Variants in CSMD1 observed in about 807,000 individuals in gnomAD.
CSMD1 encodes CUB and sushi domain-containing protein 1.
In CSMD1, 213 loss-of-function variants were observed where a neutral mutation model predicts 417.5. The ratio of observed to expected loss-of-function variants is 0.51; its 90% CI spans 0.46 to 0.57. The LOEUF (loss-of-function observed/expected upper bound fraction) is 0.57. CSMD1 is among the 20% of genes least tolerant of loss of function. The probability of loss-of-function intolerance (pLI) is 0.00; values close to 1 mark genes in which losing one functional copy is unlikely to be tolerated. For missense variants in CSMD1, 6,923 were observed against 4,529.7 expected (o/e 1.53, Z -15.17); for synonymous variants, 2,862 against 1,736.8 (o/e 1.65, Z -16.11).
At chr8:4,962,526 T>A (rs917780192) in intron 1 of CSMD1, among the ~76,000 whole-genome samples, 2 of 152,218 alleles carry the variant, frequency 1.3e-5, no homozygotes, top group Non-Finnish European at 2.9e-5. Flanking sequence ...TCTGTTTTTA[T>A]CTTATGAAGC....
At position 3,485,749 on chromosome 8, in the gene CSMD1, G is replaced by C. The variant is rs1300236935; in HGVS notation, c.1448+7874C>G. On this transcript the variant is annotated intron_variant, in intron 11 of 69. Transcript: ENST00000635120. ...CACTACAGCCTGGGTGACAGAGCGAGACTCAGCCTCAAAAAAATAAAATAA... is the reference window on the plus strand; with the variant it reads ...CACTACAGCCTGGGTGACAGAGCGACACTCAGCCTCAAAAAAATAAAATAA... Among the ~76,000 whole-genome samples, 5 of 141,854 alleles carry C rather than the reference G, an allele frequency of 3.5e-5. No homozygotes were observed. The South Asian group carries it at 6.5e-4, about 18-fold the overall frequency. The allele number at this position is 141,854 out of a possible 152,430, so 93.1% of individuals were successfully genotyped here.
At chr8:4,575,757 T>C (rs1006422155) in intron 2 of CSMD1, among the ~76,000 whole-genome samples, 2 of 152,214 alleles carry the variant, frequency 1.3e-5, no homozygotes, top group African/African-American at 4.8e-5. Flanking sequence ...TCTCTCATAC[T>C]CCACAAGTGC....
At chr8:4,480,270 T>C (rs951707542) in intron 2 of CSMD1, among the ~76,000 whole-genome samples, 3 of 152,030 alleles carry the variant, frequency 2.0e-5, no homozygotes, top group East Asian at 1.9e-4. Flanking sequence ...AGGGTAGCTC[T>C]GAGTTGACCC....
At chr8:4,946,077 A>T (rs1563836396) in intron 1 of CSMD1, among the ~76,000 whole-genome samples, 1 of 151,366 alleles carries the variant, frequency 6.6e-6, no homozygotes. Context: ...CTGGCAACGA[A>T]AGTCCACTTG....
chr8:2,987,071 TC>T (rs1007997015), intron 54 of CSMD1, among the ~76,000 whole-genome samples: 1 of 152,120 alleles, frequency 6.6e-6, no homozygotes, highest in African/African-American at 2.4e-5. Context: ...TACAACTAAT[TC>T]TTAATGGTCT....
chr8:4,617,632 T>C (rs975233212), intron 2 of CSMD1, among the ~76,000 whole-genome samples: 6 of 152,180 alleles, frequency 3.9e-5, no homozygotes, highest in Non-Finnish European at 8.8e-5. Context: ...GGAAATACTC[T>C]TCCCAGATCT....
intron 3 of CSMD1, among the ~76,000 whole-genome samples, chr8:4,233,924 G>A (rs1024649794): frequency 2.0e-5 from 3 of 150,520 alleles, no homozygotes; most frequent in African/African-American, 2.4e-5. Context: ...ACCCTAAAAT[G>A]CCTTAATGAG....
chr8:4,205,282 A>T (rs1198174467), intron 3 of CSMD1, among the ~76,000 whole-genome samples: 1 of 152,230 alleles, frequency 6.6e-6, no homozygotes, highest in Non-Finnish European at 1.5e-5. Context: ...TAGTTTTTAC[A>T]ATAGTTCCTT....
intron 1 of CSMD1, among the ~76,000 whole-genome samples, chr8:4,875,918 G>A (rs1168265068): frequency 6.6e-6 from 1 of 151,898 alleles, no homozygotes; most frequent in Non-Finnish European, 1.5e-5. Flanking sequence ...GTCTTTAATA[G>A]CAACAATTTA....
chr8:3,190,774 G>C (rs1344646949), intron 33 of CSMD1, among the ~76,000 whole-genome samples: 2 of 152,168 alleles, frequency 1.3e-5, no homozygotes, highest in African/African-American at 2.4e-5. Flanking sequence ...AGAAAACGTG[G>C]AGTAGATAAA....
At chr8:3,731,156 G>T (rs1243363535) in intron 6 of CSMD1, among the ~76,000 whole-genome samples, 1 of 152,076 alleles carries the variant, frequency 6.6e-6, no homozygotes, top group Admixed American at 6.5e-5. Flanking sequence ...CAGTATGTCT[G>T]TTAACACTTC....
At chr8:4,640,555 G>T (rs374907023) in intron 1 of CSMD1, among the ~76,000 whole-genome samples, 1 of 152,106 alleles carries the variant, frequency 6.6e-6, no homozygotes, top group Non-Finnish European at 1.5e-5. Context: ...CTACTATAGA[G>T]TATGCACAAA....
At chr8:4,623,737 G>C (rs749718732) in intron 2 of CSMD1, among the ~76,000 whole-genome samples, 33 of 151,952 alleles carry the variant, frequency 2.2e-4, no homozygotes, top group African/African-American at 4.8e-5. Context: ...ACAGATGTGT[G>C]TGTGTATATA....
chr8:3,057,906 A>C (rs1812342488), intron 49 of CSMD1, among the ~76,000 whole-genome samples: 1 of 152,178 alleles, frequency 6.6e-6, no homozygotes, highest in African/African-American at 2.4e-5. Context: ...CAAAAACTAC[A>C]TTTTTTGTCT....
chr8:4,736,210 G>T (rs550437225), intron 1 of CSMD1, among the ~76,000 whole-genome samples: 1 of 151,940 alleles, frequency 6.6e-6, no homozygotes, highest in Non-Finnish European at 1.5e-5. Flanking sequence ...TGCAGGACAG[G>T]GAAAAATGCT....
chr8:3,645,848 T>A (rs1351209960), intron 7 of CSMD1, among the ~76,000 whole-genome samples: 1 of 152,214 alleles, frequency 6.6e-6, no homozygotes, highest in Non-Finnish European at 1.5e-5. Context: ...CACTCCATTG[T>A]TTAAATAATG....
intron 14 of CSMD1, among the ~76,000 whole-genome samples, chr8:3,407,220 A>C (rs1235917373): frequency 1.3e-5 from 2 of 151,350 alleles, no homozygotes; most frequent in Non-Finnish European, 2.9e-5. Context: ...GAAATAATAG[A>C]TAAATGGACA....
intron 5 of CSMD1, among the ~76,000 whole-genome samples, chr8:3,823,669 C>A (rs916739077): frequency 6.6e-6 from 1 of 151,908 alleles, no homozygotes; most frequent in Non-Finnish European, 1.5e-5. Context: ...ATCATTTACA[C>A]GTTTTATGCA....
At chr8:3,577,612 A>G (rs905367164) in intron 9 of CSMD1, among the ~76,000 whole-genome samples, 4 of 152,158 alleles carry the variant, frequency 2.6e-5, no homozygotes, top group Non-Finnish European at 5.9e-5. Flanking sequence ...TGTTTCCTCA[A>G]TAAATATTAG....
Sources: allele counts gnomAD v4.1 joint callset (sites outside exome capture counted in the v4.1 genomes callset), GRCh38; gene constraint gnomAD v4.1.1; transcripts MANE v1.5; gene names NCBI Gene and HGNC (gene_info 2026-07-23, HGNC 2026-07-21).